The following VPS8 variants were observed in gnomAD, a reference collection of about 807,000 sequenced individuals.
VPS8 encodes VPS8 subunit of CORVET complex.
In VPS8, 129 loss-of-function variants were observed where a neutral mutation model predicts 216.4. That is an observed-to-expected ratio of 0.60 (90% confidence interval 0.52 to 0.69). VPS8 has a LOEUF of 0.69. Ranked by LOEUF, VPS8 falls within the 30% of genes least tolerant of loss-of-function variation. VPS8 has a pLI of 0.00. For missense variants in VPS8, 1,531 were observed against 1,683.5 expected, an observed-to-expected ratio of 0.91 and a Z score of 1.59; for synonymous variants, 571 against 565.4, an observed-to-expected ratio of 1.01 and a Z score of -0.14.
intron 17 of VPS8, among the ~76,000 whole-genome samples, chr3:184,867,801 C>T (rs1328443938): frequency 1.3e-5 from 2 of 152,104 alleles, no homozygotes; most frequent in Non-Finnish European, 2.9e-5. Flanking sequence ...AGCCAAGATC[C>T]CGCTGCTGCA....
intron 31 of VPS8, among the ~76,000 whole-genome samples, chr3:184,927,500 G>C (rs1739872111): frequency 6.6e-6 from 1 of 152,028 alleles, no homozygotes; most frequent in Non-Finnish European, 1.5e-5. Flanking sequence ...AATAGTATAT[G>C]GGCCCCCTCA....
At chr3:184,848,227 A>C (rs78389725) in intron 8 of VPS8, among the ~76,000 whole-genome samples, 5,079 of 152,098 alleles carry the variant, frequency 0.033, 101 homozygotes, top group South Asian at 0.07. Flanking sequence ...TTAGCATATC[A>C]AATTTTGATG....
intron 45 of VPS8, among the ~76,000 whole-genome samples, chr3:185,004,306 C>T (rs955537535): frequency 1.3e-5 from 2 of 152,332 alleles, no homozygotes; most frequent in East Asian, 1.9e-4. Flanking sequence ...AGCAAAACCC[C>T]GTCTCCACCA....
chr3:184,963,612 G>A (rs2109543989), intron 37 of VPS8, among the ~76,000 whole-genome samples: 1 of 152,066 alleles, frequency 6.6e-6, no homozygotes, highest in Non-Finnish European at 1.5e-5. Context: ...TTCCAATCTT[G>A]TAGTTTTTTC....
intron 40 of VPS8, among the ~76,000 whole-genome samples, chr3:184,980,731 A>T (rs1750063385): frequency 6.6e-6 from 1 of 152,142 alleles, no homozygotes; most frequent in Non-Finnish European, 1.5e-5. Context: ...ATTTTATTAG[A>T]TTCCTAAGAT....
At chr3:184,929,199 T>C (rs879773228) in intron 32 of VPS8, among the ~76,000 whole-genome samples, 5 of 152,028 alleles carry the variant, frequency 3.3e-5, no homozygotes, top group Non-Finnish European at 5.9e-5. Flanking sequence ...TTAATTTTTC[T>C]TTTTTTTCTT....
In VPS8 at chr3:184,996,520, T is replaced by A. The variant is rs1217364366; in HGVS notation, c.3836+19T>A. ...TCTTTAGGTAAGAAAGGGAAGGAAA[T>A]GTTACATGTATGGTACATGTACATC... On this transcript the variant is annotated intron_variant, in intron 44 of 47. Transcript: ENST00000625842. 6.3e-7 allele frequency: 1 copy of A among 1,593,524 alleles called. No individual in the cohort carries two copies. The highest frequency in any genetic ancestry group is 2.2e-5 in the East Asian group (1 of 44,704).
Position 184,974,744 on chromosome 3 carries a change from T to C in VPS8, c.3420+2992T>C, listed in dbSNP as rs940245769. Among the ~76,000 whole-genome samples the C allele has an allele frequency of 2.6e-5, 4 of 152,060 alleles. No homozygotes were observed. The East Asian group carries it at 7.7e-4, about 29-fold the overall frequency. On this transcript the variant is annotated intron_variant, in intron 40 of 47. Coordinates refer to ENST00000625842, the MANE Select transcript of VPS8 (RefSeq NM_001009921.3). ...TGAGTTAGTTTTGTATATTGTGAGATATAAGAGTCTAGTTTCATTCTTTGC... is the reference window on the plus strand; with the variant it reads ...TGAGTTAGTTTTGTATATTGTGAGACATAAGAGTCTAGTTTCATTCTTTGC...
chr3:184,869,043 A>C lies in VPS8; in HGVS notation c.1597+7A>C. On this transcript the variant is annotated splice_region_variant and intron_variant, in intron 19 of 47. Coordinates refer to ENST00000625842, the MANE Select transcript of VPS8 (RefSeq NM_001009921.3). ...AAAGCAAAAGCAGTAGTGGGTGAGT[A>C]GGCAGAATTCCAGTGTAGTAGACGT... 1.3e-6 allele frequency: 2 copies of C among 1,599,540 alleles called. No individual in the cohort carries two copies. Among genetic ancestry groups the C allele is most frequent in the Non-Finnish European group, 1.7e-6 (2 of 1,172,798 alleles).
At chr3:184,825,667 CGAGATGGGTG>C (rs1718604110) in intron 2 of VPS8, among the ~76,000 whole-genome samples, 1 of 152,062 alleles carries the variant, frequency 6.6e-6, no homozygotes, top group Non-Finnish European at 1.5e-5. Context: ...TTTATGAGGC[CGAGATGGGTG>C]GATCACTTGA....
In VPS8 at chr3:185,001,595, T is replaced by G. The variant is rs533151879; in HGVS notation, c.4002+1734T>G. On this transcript the variant is annotated intron_variant, in intron 45 of 47. Coordinates refer to ENST00000625842, the MANE Select transcript of VPS8 (RefSeq NM_001009921.3). ...CTCCTCAACCCCACCATTTACAGGT[T>G]TTTTTTGGAGGTTTCGTTATGTAGT... 2.9e-4 allele frequency among the ~76,000 whole-genome samples: 41 copies of G among 143,762 alleles called. No individual in the cohort carries two copies. The East Asian group carries it at 8.1e-3, about 28-fold the overall frequency. The allele number at this position is 143,762 out of a possible 152,430, so 94.3% of individuals were successfully genotyped here. A position where few individuals can be genotyped will look rare whatever the true frequency, so the allele number is the denominator to read the frequency against.
chr3:185,036,795 G>A (rs1408731992), intron 46 of VPS8, among the ~76,000 whole-genome samples: 1 of 151,628 alleles, frequency 6.6e-6, no homozygotes, highest in African/African-American at 2.4e-5. Context: ...TATATATAGT[G>A]CATCTAGTAA....
chr3:184,952,244 C>T (rs1345278972), intron 36 of VPS8, among the ~76,000 whole-genome samples: 1 of 152,142 alleles, frequency 6.6e-6, no homozygotes, highest in East Asian at 1.9e-4. Context: ...GAGACACAAC[C>T]TTGATTCCTC....
intron 21 of VPS8, among the ~76,000 whole-genome samples, chr3:184,881,381 C>G (rs986913202): frequency 1.2e-4 from 19 of 152,120 alleles, no homozygotes; most frequent in African/African-American, 2.7e-4. Context: ...CTAATTGCAG[C>G]ATTATTTGTT....
At chr3:185,047,434 T>G (rs1713183846) in intron 46 of VPS8, among the ~76,000 whole-genome samples, 1 of 152,182 alleles carries the variant, frequency 6.6e-6, no homozygotes, top group African/African-American at 2.4e-5. Context: ...TAGTAATTGC[T>G]AAAGCCAGGG....
chr3:185,031,885 C>T (rs1352236032), intron 46 of VPS8, among the ~76,000 whole-genome samples: 1 of 152,106 alleles, frequency 6.6e-6, no homozygotes, highest in African/African-American at 2.4e-5. Context: ...AAGTTGCAGC[C>T]GGGCTCGATG....
chr3:184,915,071 A>T lies in VPS8; in HGVS notation c.2262+18A>T. On this transcript the variant is annotated intron_variant, in intron 27 of 47. Coordinates refer to ENST00000625842, the MANE Select transcript of VPS8 (RefSeq NM_001009921.3). ...AAAACCAGGTTGGTACTATTTTTATAGCCTTTTGACTGTTCTCCGTCTCTG... is the reference window on the plus strand; with the variant it reads ...AAAACCAGGTTGGTACTATTTTTATTGCCTTTTGACTGTTCTCCGTCTCTG... 6.2e-7 allele frequency: 1 copy of T among 1,612,484 alleles called. No individual in the cohort carries two copies. Among genetic ancestry groups the T allele is most frequent in the South Asian group, 1.1e-5 (1 of 91,056 alleles).
chr3:185,046,390 T>C (rs963244337), intron 46 of VPS8, among the ~76,000 whole-genome samples: 3 of 152,214 alleles, frequency 2.0e-5, no homozygotes, highest in African/African-American at 7.2e-5. Flanking sequence ...TCAGTAAACA[T>C]TACTGTTTTT....
chr3:184,965,295 C>T (rs1041932189), intron 38 of VPS8, among the ~76,000 whole-genome samples: 5 of 152,192 alleles, frequency 3.3e-5, no homozygotes, highest in African/African-American at 1.2e-4. Context: ...TCCACAGAGG[C>T]TTTGTGTAGG....
Sources: gnomAD v4.1 joint callset for allele counts (sites outside exome capture counted in the v4.1 genomes callset) on GRCh38, gnomAD v4.1.1 for gene constraint, MANE v1.5 for transcripts, NCBI Gene and HGNC (gene_info 2026-07-23, HGNC 2026-07-21) for gene names.